The following BTC variants were observed in gnomAD, a reference collection of about 807,000 sequenced individuals.
BTC encodes probetacellulin.
In BTC, 13 loss-of-function variants were observed where a neutral mutation model predicts 18.1. The observed-to-expected ratio is 0.72, with a 90% CI of 0.47 to 1.14. The LOEUF is 1.14. Ranked by LOEUF, BTC falls within the 50% of genes most tolerant of loss-of-function variation. BTC has a pLI of 0.00. For missense variants in BTC, 247 were observed against 224.2 expected (o/e 1.10, Z -0.65); for synonymous variants, 83 against 79.4 (o/e 1.05, Z -0.24).
chr4:74,774,916 T>A (rs1236214776), intron 1 of BTC, among the ~76,000 whole-genome samples: 2 of 151,814 alleles, frequency 1.3e-5, no homozygotes, highest in Non-Finnish European at 2.9e-5. Flanking sequence ...GCACCAGGTA[T>A]GCAGAAAAAA....
intron 4 of BTC, 139 bp downstream of exon 4, chr4:74,750,434 A>G: frequency 1.2e-6 from 1 of 825,668 alleles, no homozygotes; most frequent in Non-Finnish European, 1.8e-6. Context: ...TTCTATATCA[A>G]CAATGGCAAA....
chr4:74,766,314 T>G (rs908944900), intron 2 of BTC, among the ~76,000 whole-genome samples: 7 of 152,118 alleles, frequency 4.6e-5, no homozygotes, highest in Non-Finnish European at 1.0e-4. Context: ...TACTGTAACT[T>G]TTTTATTGTA....
Position 74,788,875 on chromosome 4 carries a change from C to T in BTC, c.64+5387G>A, listed in dbSNP as rs148850093. The stretch of plus-strand genomic sequence containing the variant: ...GAGCTGTGTATCAAAAGTAAGTCAT[C>T]GTTAGCAAATCTGAAGACATTAAAG... On this transcript the variant is annotated intron_variant, in intron 1 of 5. Transcript: ENST00000395743. Among the ~76,000 whole-genome samples, 261 of 152,270 alleles carry T rather than the reference C, an allele frequency of 1.7e-3. 2 individuals carry two copies. The highest frequency in any genetic ancestry group is 5.7e-3 in the African/African-American group (238 of 41,550).
At chr4:74,768,393 G>A (rs150594066) in intron 2 of BTC, among the ~76,000 whole-genome samples, 452 of 152,190 alleles carry the variant, frequency 3.0e-3, no homozygotes, top group African/African-American at 9.5e-3. Flanking sequence ...AAGAAAGTAC[G>A]GTAGTACATC....
At chr4:74,792,480 G>GC (rs1039118488) in intron 1 of BTC, among the ~76,000 whole-genome samples, 39 of 151,926 alleles carry the variant, frequency 2.6e-4, no homozygotes, top group Admixed American at 2.0e-4. Flanking sequence ...GCCCACAGGC[G>GC]CCCCCCCTTC....
Position 74,783,976 on chromosome 4 carries a change from T to C in BTC, c.64+10286A>G, listed in dbSNP as rs563220735. Among the ~76,000 whole-genome samples the C allele has an allele frequency of 9.7e-4, 147 of 152,112 alleles. 1 individual carries two copies. The highest frequency in any genetic ancestry group is 1.6e-3 in the Non-Finnish European group (108 of 68,008). ...AGGCTGGCATGGTGGCTCACTCCTG[T>C]AATCCCTGCACTTTGGGAGGCCGAG... On this transcript the variant is annotated intron_variant, in intron 1 of 5. Transcript: ENST00000395743.
intron 3 of BTC, among the ~76,000 whole-genome samples, chr4:74,752,500 T>G (rs1724490798): frequency 6.6e-6 from 1 of 151,910 alleles, no homozygotes; most frequent in Non-Finnish European, 1.5e-5. Flanking sequence ...TGCCTCAGCT[T>G]CCGAAGTAAC....
chr4:74,770,048 T>A lies in BTC; in HGVS notation c.163+10A>T. 1 of 1,597,626 alleles carries A rather than the reference T, an allele frequency of 6.3e-7. No individual in the cohort carries two copies. Among genetic ancestry groups the A allele is most frequent in the Non-Finnish European group, 8.5e-7 (1 of 1,171,894 alleles). ...ACTCAGATTTGAATATAAAACTTGT[T>A]AAACTTTACCTGCACAGTTTTCCTC... On this transcript the variant is annotated intron_variant, in intron 2 of 5. Transcript: ENST00000395743.
intron 2 of BTC, among the ~76,000 whole-genome samples, chr4:74,760,759 G>A (rs547640123): frequency 6.7e-6 from 1 of 149,578 alleles, no homozygotes; most frequent in Admixed American, 6.7e-5. Context: ...TTTTGAGGCG[G>A]AGTCTCACTC....
intron 1 of BTC, among the ~76,000 whole-genome samples, chr4:74,787,200 T>A (rs1334425195): frequency 6.6e-6 from 1 of 152,186 alleles, no homozygotes; most frequent in African/African-American, 2.4e-5. Context: ...TGCAACTAGC[T>A]CATCACTTTA....
Position 74,744,871 on chromosome 4 carries a change from A to G in BTC, c.*1806T>C, listed in dbSNP as rs1258593786. 1 of 152,234 alleles carries G rather than the reference A, an allele frequency of 6.6e-6. No individual in the cohort carries two copies. The highest frequency in any genetic ancestry group is 1.5e-5 in the Non-Finnish European group (1 of 68,042). 9.4% of individuals were successfully genotyped at this position (152,234 alleles called of 1,614,324 possible). On this transcript the variant is annotated 3_prime_UTR_variant, in exon 6 of 6. Coordinates refer to ENST00000395743, the MANE Select transcript of BTC (RefSeq NM_001729.4). ...AAAATACATTTTGAAAAGATATAAA[A>G]ATCTTTGAAATTCTTTCTTGATATC...
intron 5 of BTC, among the ~76,000 whole-genome samples, chr4:74,747,636 A>T (rs782017087): frequency 6.6e-5 from 10 of 152,224 alleles, no homozygotes; most frequent in Non-Finnish European, 7.3e-5. Flanking sequence ...TTCCTGAACA[A>T]TCCTTACTGA....
At chr4:74,767,458 GT>G (rs1724930499) in intron 2 of BTC, among the ~76,000 whole-genome samples, 1 of 151,844 alleles carries the variant, frequency 6.6e-6, no homozygotes, top group South Asian at 2.1e-4. Flanking sequence ...AAGACATCCT[GT>G]TTTTCTGGAC....
chr4:74,793,294 A>G (rs980994007), intron 1 of BTC, among the ~76,000 whole-genome samples: 1 of 152,110 alleles, frequency 6.6e-6, no homozygotes, highest in African/African-American at 2.4e-5. Context: ...CTCTTACTCC[A>G]AGGACACAGT....
In BTC at chr4:74,794,408, A is replaced by T; in HGVS notation, c.-83T>A. 1.4e-6 allele frequency: 2 copies of T among 1,381,074 alleles called. No homozygotes were observed. Among genetic ancestry groups the T allele is most frequent in the Non-Finnish European group, 1.9e-6 (2 of 1,050,340 alleles). 85.6% of individuals were successfully genotyped at this position (1,381,074 alleles called of 1,614,324 possible). ...CCTTCCCGGGCCTCGGGCGCCTGAG[A>T]GGGTGCCTGGAAACTAATCCCGGAG... On this transcript the variant is annotated 5_prime_UTR_variant, in exon 1 of 6. Transcript: ENST00000395743.
chr4:74,756,488 T>C (rs1553956716), intron 2 of BTC, among the ~76,000 whole-genome samples: 1 of 152,204 alleles, frequency 6.6e-6, no homozygotes, highest in Non-Finnish European at 1.5e-5. Context: ...AATTTACGGA[T>C]GCACAAAGCA....
intron 1 of BTC, among the ~76,000 whole-genome samples, chr4:74,773,955 G>T (rs1173152458): frequency 6.8e-6 from 1 of 147,918 alleles, no homozygotes; most frequent in Non-Finnish European, 1.5e-5. Flanking sequence ...GTACAACAAC[G>T]ATGATAATGC....
intron 2 of BTC, among the ~76,000 whole-genome samples, chr4:74,767,069 C>A (rs905914984): frequency 2.0e-5 from 3 of 151,462 alleles, no homozygotes; most frequent in African/African-American, 7.3e-5. Flanking sequence ...GAAGTCCTAA[C>A]CAGAGCAATT....
Position 74,770,109 on chromosome 4 carries a change from T to A in BTC, c.112A>T (p.Ser38Cys), listed in dbSNP as rs753653688. 1 of 1,613,390 alleles carries A rather than the reference T, an allele frequency of 6.2e-7. No individual in the cohort carries two copies. Among genetic ancestry groups the A allele is most frequent in the Non-Finnish European group, 8.5e-7 (1 of 1,179,574 alleles). ...CVVADGNSTRSPETNGLLCGD... is the reference protein window; with the variant it reads ...CVVADGNSTRCPETNGLLCGD... ...CAGAGGAGGCCATTAGTTTCAGGAC[T>A]TCTGGTGGAATTCCCATCTGCCACC... The change falls in exon 2 of 6, where the codon AGT becomes TGT. Residue 38 changes from serine (S) to cysteine (C), a missense_variant. By Grantham distance (112) the Ser-to-Cys change is moderately radical (BLOSUM62 -1). Transcript: ENST00000395743.
Sources: allele counts gnomAD v4.1 joint callset (sites outside exome capture counted in the v4.1 genomes callset), GRCh38; gene constraint gnomAD v4.1.1; transcripts MANE v1.5; gene names NCBI Gene and HGNC (gene_info 2026-07-23, HGNC 2026-07-21).